The following VGLL4 variants were observed in gnomAD, a reference collection of about 807,000 sequenced individuals.
The protein encoded by VGLL4 is vestigial like family member 4.
VGLL4 carries 7 observed loss-of-function variants against 21.0 expected under a neutral mutation model. That is an observed-to-expected ratio of 0.33 (90% CI 0.19 to 0.63). The LOEUF (loss-of-function observed/expected upper bound fraction) is 0.63. Among genes scored for constraint, VGLL4 ranks in the 20% least tolerant of loss-of-function variants. The pLI, the probability that VGLL4 is intolerant of heterozygous loss-of-function variation, is 0.78. For synonymous variants in VGLL4, 222 were observed against 173.2 expected (o/e 1.28, Z -2.21); for missense variants, 394 against 425.7 (o/e 0.93, Z 0.66).
intron 3 of VGLL4, 102 bp downstream of exon 3, chr3:11,564,695 T>TCCCTCACCACCTCCCA: frequency 7.8e-7 from 1 of 1,288,030 alleles, no homozygotes; most frequent in Non-Finnish European, 1.1e-6. Flanking sequence ...ACCACCTCCC[T>TCCCTCACCACCTCCCA]CCCTCACCAC....
chr3:11,673,941 G>C (rs542502990), intron 2 of VGLL4, among the ~76,000 whole-genome samples: 3 of 149,180 alleles, frequency 2.0e-5, no homozygotes, highest in Admixed American at 6.8e-5. Flanking sequence ...GAACCCAGGA[G>C]GTGGAGGTTG....
At chr3:11,703,455 G>C (rs77958116) in intron 1 of VGLL4, among the ~76,000 whole-genome samples, 1 of 152,134 alleles carries the variant, frequency 6.6e-6, no homozygotes, top group Non-Finnish European at 1.5e-5. Flanking sequence ...CTTAACACAC[G>C]CCACGTACTC....
At chr3:11,677,295 A>G (rs2076305001) in intron 2 of VGLL4, among the ~76,000 whole-genome samples, 1 of 150,878 alleles carries the variant, frequency 6.6e-6, no homozygotes, top group Non-Finnish European at 1.5e-5. Flanking sequence ...TTTTTTTGAC[A>G]GGGTCTCACG....
chr3:11,570,559 A>C (rs1448558673), intron 2 of VGLL4, among the ~76,000 whole-genome samples: 2 of 152,178 alleles, frequency 1.3e-5, no homozygotes, highest in African/African-American at 4.8e-5. Context: ...ATGTTCTAAT[A>C]ACTGTCCATA....
intron 1 of VGLL4, among the ~76,000 whole-genome samples, chr3:11,713,790 G>A (rs977669822): frequency 2.6e-5 from 4 of 151,736 alleles, no homozygotes; most frequent in Non-Finnish European, 4.4e-5. Flanking sequence ...GTAACCTTAG[G>A]TGCCTCCACC....
intron 3 of VGLL4, among the ~76,000 whole-genome samples, chr3:11,561,115 G>A (rs1353889146): frequency 6.8e-6 from 1 of 146,716 alleles, no homozygotes; most frequent in East Asian, 1.9e-4. Context: ...ATGACCTTGG[G>A]CTCTAGGAGA....
intron 1 of VGLL4, among the ~76,000 whole-genome samples, chr3:11,704,383 C>CAAAAAAAAAAAAAAAA (rs57593843): frequency 2.9e-5 from 2 of 69,148 alleles, no homozygotes; most frequent in Non-Finnish European, 5.8e-5. Flanking sequence ...AACTCCGTCT[C>CAAAAAAAAAAAAAAAA]AAAAAAAAAA....
intron 4 of VGLL4, 127 bp downstream of exon 4, chr3:11,559,205 G>A (rs1229929209): frequency 9.2e-6 from 13 of 1,413,196 alleles, no homozygotes; most frequent in Non-Finnish European, 1.2e-5. Context: ...ACGTGCTCAA[G>A]AAATACTTTT....
intron 2 of VGLL4, among the ~76,000 whole-genome samples, chr3:11,665,646 T>A (rs1301672491): frequency 6.6e-6 from 1 of 152,068 alleles, no homozygotes; most frequent in Non-Finnish European, 1.5e-5. Flanking sequence ...CCTGACAAAG[T>A]CTCCACAGAA....
At chr3:11,569,922 C>T (rs1043949316) in intron 2 of VGLL4, among the ~76,000 whole-genome samples, 7 of 152,180 alleles carry the variant, frequency 4.6e-5, no homozygotes, top group Non-Finnish European at 1.0e-4. Flanking sequence ...TCTTAAAAAG[C>T]TTCCTCAGAA....
At position 11,637,002 on chromosome 3, in the gene VGLL4, A is replaced by C. The variant is rs548853386; in HGVS notation, c.82+6435T>G. ...CTCAGGATGTGTGCACTACTTTAAA[A>C]GATCTCACAAAAAAGATACAAAAGA... On this transcript the variant is annotated intron_variant, in intron 1 of 4. Transcript: ENST00000430365. Among the ~76,000 whole-genome samples the C allele has an allele frequency of 8.5e-5, 13 of 152,186 alleles. No homozygotes were observed. The East Asian group carries it at 2.5e-3, about 29-fold the overall frequency.
At position 11,604,375 on chromosome 3, in the gene VGLL4, G is replaced by A. The variant is rs1411318842; in HGVS notation, c.83-2353C>T. ...CTGGAGGCAAGAACCCATGGCCTCTGCAATCAGACAACGCCTCATCCTAAG... is the reference window on the plus strand; with the variant it reads ...CTGGAGGCAAGAACCCATGGCCTCTACAATCAGACAACGCCTCATCCTAAG... On this transcript the variant is annotated intron_variant, in intron 1 of 4. Coordinates refer to ENST00000430365, the MANE Select transcript of VGLL4 (RefSeq NM_001128219.3). The A allele has an allele frequency of 2.5e-5, 24 of 956,076 alleles. 3 individuals are homozygous for A. The highest frequency in any genetic ancestry group is 2.7e-5 in the Non-Finnish European group (22 of 809,968). 59.2% of individuals were successfully genotyped at this position (956,076 alleles called of 1,614,324 possible).
At chr3:11,612,190 T>A (rs1294173224) in intron 1 of VGLL4, 1 of 152,192 alleles carries the variant, frequency 6.6e-6, no homozygotes, top group African/African-American at 2.4e-5. Flanking sequence ...TGTTATCACA[T>A]CCACACATTG....
At chr3:11,655,019 T>C (rs1349361136) in intron 2 of VGLL4, among the ~76,000 whole-genome samples, 1 of 152,222 alleles carries the variant, frequency 6.6e-6, no homozygotes, top group African/African-American at 2.4e-5. Context: ...GTGGATCTTC[T>C]ATTTGAGGCT....
intron 2 of VGLL4, among the ~76,000 whole-genome samples, chr3:11,676,402 A>AT (rs754517123): frequency 4.8e-5 from 7 of 146,820 alleles, no homozygotes; most frequent in African/African-American, 1.8e-4. Flanking sequence ...CTCAAAAAAA[A>AT]AAAAAAAATA....
intron 2 of VGLL4, among the ~76,000 whole-genome samples, chr3:11,691,363 C>G (rs1239206262): frequency 6.6e-6 from 1 of 151,924 alleles, no homozygotes; most frequent in Admixed American, 6.6e-5. Context: ...GTCAGAAAAG[C>G]TGACAAATCC....
intron 2 of VGLL4, among the ~76,000 whole-genome samples, chr3:11,586,939 T>C (rs550049135): frequency 3.9e-5 from 6 of 152,278 alleles, no homozygotes; most frequent in Admixed American, 2.6e-4. Context: ...ACAAGGGAAG[T>C]TGGAGAATCC....
chr3:11,714,545 A>C (rs548706089), intron 1 of VGLL4, among the ~76,000 whole-genome samples: 106 of 151,066 alleles, frequency 7.0e-4, no homozygotes, highest in Non-Finnish European at 1.4e-3. Context: ...ACAAAAAATA[A>C]AATAAAATAA....
chr3:11,711,600 C>T (rs1424730145), intron 1 of VGLL4, among the ~76,000 whole-genome samples: 1 of 151,952 alleles, frequency 6.6e-6, no homozygotes, highest in East Asian at 1.9e-4. Flanking sequence ...GCCTGTAGTC[C>T]CAGCTACTTG....
Sources: allele counts gnomAD v4.1 joint callset (sites outside exome capture counted in the v4.1 genomes callset), GRCh38; gene constraint gnomAD v4.1.1; transcripts MANE v1.5; gene names NCBI Gene and HGNC (gene_info 2026-07-23, HGNC 2026-07-21).